The following SUMF1 variants were observed in gnomAD, a reference collection of about 807,000 sequenced individuals.
SUMF1 encodes formylglycine-generating enzyme.
Under a neutral mutation model 47.6 loss-of-function variants are expected in SUMF1, and 48 were observed. The observed-to-expected ratio is 1.01, with a 90% CI of 0.80 to 1.28. The LOEUF (loss-of-function observed/expected upper bound fraction) is 1.28. SUMF1 is among the 50% of genes most tolerant of loss of function. The pLI is 0.00. For missense variants in SUMF1, 571 were observed against 485.4 expected, an observed-to-expected ratio of 1.18 and a Z score of -1.66; for synonymous variants, 230 against 192.1, an observed-to-expected ratio of 1.20 and a Z score of -1.63.
intron 1 of SUMF1, among the ~76,000 whole-genome samples, chr3:4,453,666 T>A (rs1193918393): frequency 6.6e-6 from 1 of 151,946 alleles, no homozygotes; most frequent in Non-Finnish European, 1.5e-5. Flanking sequence ...CCTGAGTAGC[T>A]GGGATTACAG....
intron 8 of SUMF1, among the ~76,000 whole-genome samples, chr3:4,121,883 G>C (rs983210605): frequency 1.3e-5 from 2 of 151,998 alleles, no homozygotes; most frequent in Admixed American, 1.3e-4. Flanking sequence ...TCCCCGCTCT[G>C]ATAGGCCCCA....
chr3:4,380,273 A>C (rs1700462142), intron 7 of SUMF1, among the ~76,000 whole-genome samples: 1 of 152,256 alleles, frequency 6.6e-6, no homozygotes, highest in Admixed American at 6.5e-5. Flanking sequence ...TTGCAGCAAC[A>C]TGAATGGTGC....
At chr3:4,128,083 TG>T (rs1289735557) in intron 8 of SUMF1, among the ~76,000 whole-genome samples, 4 of 152,136 alleles carry the variant, frequency 2.6e-5, no homozygotes, top group African/African-American at 7.2e-5. Flanking sequence ...AAGAAAATGA[TG>T]AACTCAGGGA....
rs771787241 is a variant in SUMF1, at chr3:4,214,861, C to T, written c.1015-146116G>A. On this transcript the variant is annotated intron_variant and NMD_transcript_variant, in intron 8 of 12. Transcript: ENST00000448413. ...CCTAAACCAGGAAGACATCAAATCC[C>T]TGAATAGACCAATAACAAGTTCTAA... is the stretch of plus-strand genomic sequence containing the variant. Among the ~76,000 whole-genome samples the T allele has an allele frequency of 6.8e-4, 103 of 152,074 alleles. 1 individual carries two copies. Among genetic ancestry groups the T allele is most frequent in the Non-Finnish European group, 1.1e-3 (72 of 67,996 alleles).
rs538091108 is a variant in SUMF1 at position 4,430,005 on chromosome 3, T to C, written c.520-9859A>G. 5.3e-5 allele frequency among the ~76,000 whole-genome samples: 8 copies of C among 152,308 alleles called. No homozygotes were observed. The East Asian group carries it at 1.5e-3, about 29-fold the overall frequency. On this transcript the variant is annotated intron_variant, in intron 3 of 8. Transcript: ENST00000272902. ...AAGGACTTTAAAGGTGGGAAGGATC[T>C]GAGAAGATATCTACTGAAATTCCCT...
chr3:4,234,060 A>C (rs1575003443), intron 8 of SUMF1, among the ~76,000 whole-genome samples: 1 of 152,028 alleles, frequency 6.6e-6, no homozygotes, highest in Non-Finnish European at 1.5e-5. Flanking sequence ...CTAAACTGGG[A>C]ACTTGGATAA....
chr3:4,453,504 G>A (rs557851206), intron 1 of SUMF1, among the ~76,000 whole-genome samples: 1 of 151,622 alleles, frequency 6.6e-6, no homozygotes, highest in Admixed American at 6.6e-5. Context: ...AACAGCTGGA[G>A]TACAGACATG....
intron 8 of SUMF1, among the ~76,000 whole-genome samples, chr3:4,172,412 G>A (rs1209639649): frequency 6.6e-6 from 1 of 150,396 alleles, no homozygotes; most frequent in East Asian, 1.9e-4. Context: ...TAAAAACTAG[G>A]ACCTAAAATC....
intron 8 of SUMF1, among the ~76,000 whole-genome samples, chr3:4,102,111 T>A (rs1693047556): frequency 1.3e-5 from 2 of 152,146 alleles, no homozygotes; most frequent in African/African-American, 4.8e-5. Flanking sequence ...CATCCCACGA[T>A]ATGTGGAGAT....
chr3:4,372,748 A>C (rs1415528723), intron 8 of SUMF1, among the ~76,000 whole-genome samples: 1 of 152,230 alleles, frequency 6.6e-6, no homozygotes, highest in African/African-American at 2.4e-5. Flanking sequence ...AGAAACAGAT[A>C]TAGAACTCCA....
intron 6 of SUMF1, 49 bp downstream of exon 6, chr3:4,417,079 C>T: frequency 6.4e-7 from 1 of 1,561,144 alleles, no homozygotes; most frequent in Non-Finnish European, 8.8e-7. Flanking sequence ...CTACTGGGAG[C>T]CTCAGTTCTC....
rs556988826 is a variant in SUMF1, at chr3:4,293,842, T to C, written c.1014+82488A>G. 2.0e-5 allele frequency among the ~76,000 whole-genome samples: 3 copies of C among 152,326 alleles called. No homozygotes were observed. In the East Asian group the frequency reaches 5.8e-4, roughly 29 times the overall value. On this transcript the variant is annotated intron_variant and NMD_transcript_variant, in intron 8 of 12. Coordinates refer to the SUMF1 transcript ENST00000448413. ...CTATATAAATCACTATACTTTCCAA[T>C]GGGATGAAAAACTGTTTATGTTTTC...
intron 8 of SUMF1, among the ~76,000 whole-genome samples, chr3:4,290,116 T>C (rs562755961): frequency 2.6e-5 from 4 of 152,192 alleles, no homozygotes; most frequent in Non-Finnish European, 4.4e-5. Flanking sequence ...CAATGAAACT[T>C]AAAAGACATA....
intron 8 of SUMF1, among the ~76,000 whole-genome samples, chr3:4,315,576 C>G (rs1559219976): frequency 2.0e-5 from 3 of 152,132 alleles, no homozygotes; most frequent in African/African-American, 2.4e-5. Context: ...AGGTAAGAGT[C>G]AAAGAGTCTT....
intron 8 of SUMF1, among the ~76,000 whole-genome samples, chr3:4,318,671 G>T (rs888756322): frequency 1.3e-5 from 2 of 152,174 alleles, no homozygotes; most frequent in African/African-American, 4.8e-5. Flanking sequence ...ACTTTGGGAG[G>T]CCAAAGCAGA....
chr3:4,397,951 T>C (rs1365374829), intron 7 of SUMF1, among the ~76,000 whole-genome samples: 1 of 152,150 alleles, frequency 6.6e-6, no homozygotes, highest in Non-Finnish European at 1.5e-5. Context: ...ATTTTCTCTG[T>C]AGCATCTCCT....
intron 9 of SUMF1, among the ~76,000 whole-genome samples, chr3:4,045,238 A>C (rs1246423453): frequency 6.6e-6 from 1 of 152,092 alleles, no homozygotes; most frequent in Admixed American, 6.6e-5. Flanking sequence ...TTCCCTGAGG[A>C]AGAAGTTCTG....
intron 8 of SUMF1, among the ~76,000 whole-genome samples, chr3:4,330,160 A>C (rs1209972608): frequency 6.6e-6 from 1 of 152,198 alleles, no homozygotes; most frequent in African/African-American, 2.4e-5. Flanking sequence ...AGTCTCTAGG[A>C]AGTTCCAAAC....
chr3:4,453,313 G>A (rs908016256), intron 1 of SUMF1, among the ~76,000 whole-genome samples: 1 of 151,944 alleles, frequency 6.6e-6, no homozygotes, highest in Non-Finnish European at 1.5e-5. Flanking sequence ...AACAGGTCTG[G>A]AATAACAGTC....
Sources: allele counts gnomAD v4.1 joint callset (sites outside exome capture counted in the v4.1 genomes callset), GRCh38; gene constraint gnomAD v4.1.1; transcripts MANE v1.5; gene names NCBI Gene and HGNC (gene_info 2026-07-23, HGNC 2026-07-21).